Variants in MAP3K7 observed in about 807,000 individuals in gnomAD.
MAP3K7 encodes TGF-beta activated kinase 1.
MAP3K7 carries 21 observed loss-of-function variants against 84.8 expected under a neutral mutation model. The ratio of observed to expected loss-of-function variants is 0.25; its 90% CI spans 0.18 to 0.36. The LOEUF is 0.36. MAP3K7 is among the 10% of genes least tolerant of loss of function. MAP3K7 has a pLI of 1.00. For synonymous variants in MAP3K7, 241 were observed against 247.7 expected (o/e 0.97, Z 0.25); for missense variants, 503 against 747.7 (o/e 0.67, Z 3.82).
At chr6:90,583,978 G>T (rs142599663) in intron 1 of MAP3K7, among the ~76,000 whole-genome samples, 1 of 152,304 alleles carries the variant, frequency 6.6e-6, no homozygotes, top group East Asian at 1.9e-4. Context: ...TATTAGAAAT[G>T]CAAGATCAGC....
At chr6:90,536,721 G>A (rs1189501196) in intron 12 of MAP3K7, 1 of 224,056 alleles carries the variant, frequency 4.5e-6, no homozygotes, top group Non-Finnish European at 8.9e-6. Context: ...TTAAATAGAT[G>A]AATGCTTGGG....
rs35084747 is a variant in MAP3K7, at chr6:90,556,603, C to T, written c.504G>A (p.Gly168=). 1.3e-4 allele frequency: 213 copies of T among 1,608,948 alleles called. 1 individual carries two copies. The African/African-American group carries it at 2.4e-3, about 18-fold the overall frequency. The change falls in exon 6 of 17, where the codon GGG becomes GGA. Residue 168 remains glycine (G), a synonymous_variant. Coordinates refer to ENST00000369329, the MANE Select transcript of MAP3K7 (RefSeq NM_145331.3). ...CAAAATCACAAATTTTTAGAACTGTCCCCCCTGCAACCAGCAGTAAGCTGT... is the reference window on the plus strand; with the variant it reads ...CAAAATCACAAATTTTTAGAACTGTTCCCCCTGCAACCAGCAGTAAGCTGT... The part of the protein sequence containing the change: ...KPPNLLLVAG[G]TVLKICDFGT...
intron 14 of MAP3K7, among the ~76,000 whole-genome samples, chr6:90,520,582 AT>A (rs1775117661): frequency 6.6e-6 from 1 of 152,044 alleles, no homozygotes; most frequent in African/African-American, 2.4e-5. Flanking sequence ...AGAAAGAACA[AT>A]TTAAAATAGT....
intron 15 of MAP3K7, 92 bp downstream of exon 15, chr6:90,519,166 G>A (rs1582155662): frequency 3.9e-6 from 3 of 765,600 alleles, no homozygotes; most frequent in East Asian, 5.5e-5. Context: ...AAATTAAGGA[G>A]TGACTATACA....
intron 3 of MAP3K7, among the ~76,000 whole-genome samples, chr6:90,564,524 C>T (rs1407450181): frequency 1.3e-5 from 2 of 152,110 alleles, no homozygotes; most frequent in Non-Finnish European, 2.9e-5. Context: ...AGCTAACTAT[C>T]CTAAATATAT....
chr6:90,583,331 G>A (rs1025560081), intron 1 of MAP3K7, among the ~76,000 whole-genome samples: 37 of 152,110 alleles, frequency 2.4e-4, no homozygotes, highest in Non-Finnish European at 4.9e-4. Context: ...AGAAAGTACT[G>A]AGTGACACTG....
At chr6:90,548,306 C>CA (rs1245157046) in intron 9 of MAP3K7, 129 bp from the exon 10 acceptor site, 1 of 789,456 alleles carries the variant, frequency 1.3e-6, no homozygotes, top group African/African-American at 1.8e-5. Context: ...ACTTTTCAAG[C>CA]TAATGAAGAT....
At position 90,519,315 on chromosome 6, in the gene MAP3K7, G is replaced by C; in HGVS notation, c.1467C>G (p.Thr489=). The change falls in exon 15 of 17, where the codon ACC becomes ACG. Residue 489 remains threonine, a synonymous_variant. Coordinates refer to ENST00000369329, the MANE Select transcript of MAP3K7 (RefSeq NM_145331.3). ...HPWTPDDSTD[T]NGSDNSIPMA... is the part of the protein sequence containing the mutation. ...TTGGGATGGAGTTATCTGATCCATTGGTATCTGGAATTCAAGCATGTATTT... is the reference window on the plus strand; with the variant it reads ...TTGGGATGGAGTTATCTGATCCATTCGTATCTGGAATTCAAGCATGTATTT... The C allele has an allele frequency of 1.3e-6, 2 of 1,568,650 alleles. No individual in the cohort carries two copies. Among genetic ancestry groups the C allele is most frequent in the Admixed American group, 1.9e-5 (1 of 52,548 alleles).
At chr6:90,583,374 G>A (rs1438521417) in intron 1 of MAP3K7, among the ~76,000 whole-genome samples, 2 of 152,172 alleles carry the variant, frequency 1.3e-5, no homozygotes, top group African/African-American at 4.8e-5. Context: ...TGACTCACAA[G>A]TGAGAAGTCT....
chr6:90,527,521 C>A (rs1775360645), intron 13 of MAP3K7, among the ~76,000 whole-genome samples: 1 of 152,114 alleles, frequency 6.6e-6, no homozygotes, highest in Admixed American at 6.5e-5. Flanking sequence ...CCTGCCTCAG[C>A]CTCCTAACGT....
At chr6:90,533,479 G>A (rs148053690) in intron 13 of MAP3K7, among the ~76,000 whole-genome samples, 480 of 152,272 alleles carry the variant, frequency 3.2e-3, no homozygotes, top group Middle Eastern at 6.8e-3. Flanking sequence ...GGAGGGGTTC[G>A]TTCCAGATTG....
intron 3 of MAP3K7, among the ~76,000 whole-genome samples, chr6:90,564,559 G>T (rs1242110326): frequency 3.3e-5 from 5 of 152,168 alleles, no homozygotes; most frequent in African/African-American, 4.8e-5. Context: ...GGAGCACCCA[G>T]ATTCATAAAG....
chr6:90,523,811 A>C (rs897202482), intron 13 of MAP3K7, 28 bp from the exon 14 acceptor site: 1 of 1,303,146 alleles, frequency 7.7e-7, no homozygotes, highest in Admixed American at 1.7e-5. Flanking sequence ...AGGAGAAACA[A>C]AATGTGATTT....
intron 12 of MAP3K7, among the ~76,000 whole-genome samples, chr6:90,544,276 T>C (rs1431004391): frequency 1.3e-5 from 2 of 152,102 alleles, no homozygotes; most frequent in Non-Finnish European, 2.9e-5. Context: ...CACTTAAAAG[T>C]AGAGAGGAAG....
Position 90,523,840 on chromosome 6 carries a change from C to T in MAP3K7, c.1357-57G>A, listed in dbSNP as rs157707. 19,843 of 1,042,140 alleles carry T rather than the reference C, an allele frequency of 0.019. 2,418 individuals are homozygous for T. In the African/African-American group the frequency reaches 0.27, roughly 14 times the overall value. 64.6% of individuals were successfully genotyped at this position (1,042,140 alleles called of 1,614,324 possible). On this transcript the variant is annotated intron_variant, in intron 13 of 16. Coordinates refer to ENST00000369329, the MANE Select transcript of MAP3K7 (RefSeq NM_145331.3). ...GTGATTTTTTGATTAAAAAAAATGA[C>T]GAGAACGTTTCCATTAAAAGGCAAG...
intron 6 of MAP3K7, among the ~76,000 whole-genome samples, chr6:90,554,839 C>G (rs1776286225): frequency 6.6e-6 from 1 of 152,166 alleles, no homozygotes; most frequent in Non-Finnish European, 1.5e-5. Context: ...ATTATTTAAT[C>G]TTGTGTAATA....
chr6:90,555,401 G>T (rs1191578408), intron 6 of MAP3K7, among the ~76,000 whole-genome samples: 1 of 151,954 alleles, frequency 6.6e-6, no homozygotes, highest in African/African-American at 2.4e-5. Context: ...GACTACGGGC[G>T]CCCGCCACCA....
intron 13 of MAP3K7, among the ~76,000 whole-genome samples, chr6:90,533,604 A>G (rs150834228): frequency 3.9e-5 from 6 of 152,296 alleles, no homozygotes; most frequent in African/African-American, 1.4e-4. Context: ...GGACAATGTT[A>G]GGTATTTTGT....
At chr6:90,555,066 A>T (rs1278180000) in intron 6 of MAP3K7, among the ~76,000 whole-genome samples, 2 of 152,208 alleles carry the variant, frequency 1.3e-5, no homozygotes, top group Non-Finnish European at 2.9e-5. Context: ...CCTAACATAC[A>T]AATCACATAC....
Sources: gnomAD v4.1 joint callset for allele counts (sites outside exome capture counted in the v4.1 genomes callset) on GRCh38, gnomAD v4.1.1 for gene constraint, MANE v1.5 for transcripts, NCBI Gene and HGNC (gene_info 2026-07-23, HGNC 2026-07-21) for gene names.